TPH2: variants seen among roughly 807,000 people sequenced by gnomAD.
TPH2 encodes tryptophan hydroxylase 2, also known as tryptophan 5-hydroxylase 2.
In TPH2, 27 loss-of-function variants were observed where a neutral mutation model predicts 59.1. The ratio of observed to expected loss-of-function variants is 0.46; its 90% CI spans 0.34 to 0.63. TPH2 has a LOEUF of 0.63. Ranked by LOEUF, TPH2 falls within the 30% of genes least tolerant of loss-of-function variation. TPH2 has a pLI of 0.01. For missense variants in TPH2, 523 were observed against 588.3 expected (o/e 0.89, Z 1.15); for synonymous variants, 220 against 210.5 (o/e 1.05, Z -0.39).
rs921561736 is a variant in TPH2 at position 72,031,866 on chromosome 12, G to A, written c.*171G>A. Reference sequence around the variant, plus strand: ...TGTGTTAGTATATAAAGCACCATAAGAAATCCAATGGCAGATAACCACTCA... The same window carrying A: ...TGTGTTAGTATATAAAGCACCATAAAAAATCCAATGGCAGATAACCACTCA... On this transcript the variant is annotated 3_prime_UTR_variant, in exon 11 of 11. Coordinates refer to ENST00000333850, the MANE Select transcript of TPH2 (RefSeq NM_173353.4). The A allele has an allele frequency of 6.9e-6, 5 of 725,660 alleles. No homozygotes were observed. The highest frequency in any genetic ancestry group is 1.8e-5 in the African/African-American group (1 of 56,730). 45.0% of individuals were successfully genotyped at this position (725,660 alleles called of 1,614,324 possible).
chr12:71,949,744 C>CT, intron 5 of TPH2, 89 bp downstream of exon 5: 1 of 1,180,176 alleles, frequency 8.5e-7, no homozygotes, highest in Non-Finnish European at 1.3e-6. Flanking sequence ...TTCACTTTAA[C>CT]TTTTGCAGAA....
Position 71,992,495 on chromosome 12 carries a change from T to G in TPH2, c.942-1944T>G, listed in dbSNP as rs113775140. Among the ~76,000 whole-genome samples the G allele has an allele frequency of 4.4e-3, 637 of 146,376 alleles. 6 individuals carry two copies. The highest frequency in any genetic ancestry group is 0.015 in the African/African-American group (607 of 39,848). Reference sequence around the variant, plus strand: ...GGCATGCGCCTGTAGTCCCAACTACTTGAGGGGCTGAGGTGGGAGGATCGC... The same window carrying G: ...GGCATGCGCCTGTAGTCCCAACTACGTGAGGGGCTGAGGTGGGAGGATCGC... On this transcript the variant is annotated intron_variant, in intron 7 of 10. Coordinates refer to ENST00000333850, the MANE Select transcript of TPH2 (RefSeq NM_173353.4).
intron 8 of TPH2, among the ~76,000 whole-genome samples, chr12:72,021,549 T>G (rs1008108000): frequency 6.6e-6 from 1 of 152,158 alleles, no homozygotes; most frequent in African/African-American, 2.4e-5. Context: ...CACTTTATTA[T>G]GAAATAGGCT....
intron 8 of TPH2, among the ~76,000 whole-genome samples, chr12:72,002,321 G>A (rs1484802747): frequency 6.6e-6 from 1 of 152,158 alleles, no homozygotes; most frequent in Non-Finnish European, 1.5e-5. Flanking sequence ...ACTGGATGAG[G>A]GAGGGGGAGA....
At chr12:71,961,650 C>T (rs772710574) in intron 5 of TPH2, 1 of 1,352,050 alleles carries the variant, frequency 7.4e-7, no homozygotes, top group South Asian at 1.1e-5. Flanking sequence ...GTTGAGCGTG[C>T]ACATATTGAT....
At chr12:71,987,756 G>A (rs1310743061) in intron 7 of TPH2, among the ~76,000 whole-genome samples, 2 of 152,174 alleles carry the variant, frequency 1.3e-5, no homozygotes, top group Non-Finnish European at 2.9e-5. Flanking sequence ...GCGGGCTGAG[G>A]CAGGAGAATC....
Position 71,972,689 on chromosome 12 carries a change from T to C in TPH2, c.779T>C (p.Leu260Pro). The C allele has an allele frequency of 1.2e-6, 2 of 1,614,132 alleles. No homozygotes were observed. The highest frequency in any genetic ancestry group is 1.7e-6 in the Non-Finnish European group (2 of 1,180,038). ...CGYREDNVPQLEDVSMFLKER... is the reference protein window; with the variant it reads ...CGYREDNVPQPEDVSMFLKER... The stretch of plus-strand genomic sequence containing the variant: ...TACAGAGAGGACAATGTGCCTCAAC[T>C]CGAAGATGTCTCCATGTTTCTGAAA... The change falls in exon 6 of 11, where the codon CTC becomes CCC. Residue 260 changes from leucine to proline, a missense_variant. Leu to Pro is a moderately conservative substitution (Grantham distance 98, BLOSUM62 -3). Coordinates refer to ENST00000333850, the MANE Select transcript of TPH2 (RefSeq NM_173353.4).
intron 7 of TPH2, among the ~76,000 whole-genome samples, chr12:71,990,768 A>G (rs931186541): frequency 6.6e-6 from 1 of 152,256 alleles, no homozygotes; most frequent in Non-Finnish European, 1.5e-5. Flanking sequence ...TGCTATGTCC[A>G]CACTTTGTTC....
chr12:72,021,948 A>G (rs1873430968), intron 8 of TPH2, among the ~76,000 whole-genome samples: 3 of 152,222 alleles, frequency 2.0e-5, no homozygotes, highest in Admixed American at 2.0e-4. Context: ...TATTTGTTGA[A>G]TAAATAAACA....
At chr12:72,026,391 G>T (rs369249213) in intron 9 of TPH2, among the ~76,000 whole-genome samples, 1 of 152,124 alleles carries the variant, frequency 6.6e-6, no homozygotes, top group Non-Finnish European at 1.5e-5. Context: ...CTATTATCAA[G>T]CTTGAATGGC....
chr12:71,998,821 G>A (rs928127842), intron 8 of TPH2, among the ~76,000 whole-genome samples: 1 of 152,152 alleles, frequency 6.6e-6, no homozygotes. Flanking sequence ...CACCAAAGGA[G>A]AAAAATCTAT....
intron 7 of TPH2, among the ~76,000 whole-genome samples, chr12:71,993,286 A>T (rs1225620674): frequency 2.6e-5 from 4 of 152,234 alleles, no homozygotes; most frequent in Non-Finnish European, 5.9e-5. Flanking sequence ...TAATGGTAGC[A>T]CCTGGTATTT....
chr12:71,953,898 T>TG (rs1871422280), intron 5 of TPH2, among the ~76,000 whole-genome samples: 1 of 152,162 alleles, frequency 6.6e-6, no homozygotes, highest in Non-Finnish European at 1.5e-5. Flanking sequence ...ATGGATATTT[T>TG]GGGGTTGTAA....
intron 9 of TPH2, among the ~76,000 whole-genome samples, chr12:72,027,380 C>A (rs964264327): frequency 1.3e-5 from 2 of 152,204 alleles, no homozygotes; most frequent in Admixed American, 1.3e-4. Flanking sequence ...ATACTGAGCA[C>A]TTCCCATGCC....
rs530368234 is a variant in TPH2, at chr12:72,001,521, G to C, written c.1068+6956G>C. 1.6e-4 allele frequency among the ~76,000 whole-genome samples: 25 copies of C among 151,950 alleles called. 1 individual carries two copies. The South Asian group carries it at 4.8e-3, about 29-fold the overall frequency. The stretch of plus-strand genomic sequence containing the variant: ...GCTCACTGTAACCTCCGCCTCCCAG[G>C]TTCAGGTGATTCTCCTGCCTCAGCC... On this transcript the variant is annotated intron_variant, in intron 8 of 10. Coordinates refer to ENST00000333850, the MANE Select transcript of TPH2 (RefSeq NM_173353.4).
intron 5 of TPH2, among the ~76,000 whole-genome samples, chr12:71,966,672 A>G (rs1325663046): frequency 6.6e-6 from 1 of 152,190 alleles, no homozygotes; most frequent in Non-Finnish European, 1.5e-5. Flanking sequence ...ATTCTCTGTT[A>G]TCTTCTGCTC....
chr12:72,020,574 C>T (rs973580187), intron 8 of TPH2, among the ~76,000 whole-genome samples: 5 of 152,034 alleles, frequency 3.3e-5, no homozygotes, highest in Admixed American at 1.3e-4. Flanking sequence ...CTGCAACTTC[C>T]GTCTCCTGGG....
At chr12:71,957,433 C>T (rs1871541953) in intron 5 of TPH2, among the ~76,000 whole-genome samples, 2 of 148,554 alleles carry the variant, frequency 1.3e-5, no homozygotes, top group African/African-American at 5.0e-5. Context: ...ACCTCCCAGG[C>T]TCAAGTGATC....
chr12:71,968,719 A>G (rs1181850916), intron 5 of TPH2, among the ~76,000 whole-genome samples: 1 of 152,166 alleles, frequency 6.6e-6, no homozygotes, highest in African/African-American at 2.4e-5. Flanking sequence ...ACCTCCTCAC[A>G]ATGCTGAGCA....
Sources: gnomAD v4.1 joint callset for allele counts (sites outside exome capture counted in the v4.1 genomes callset) on GRCh38, gnomAD v4.1.1 for gene constraint, MANE v1.5 for transcripts, NCBI Gene and HGNC (gene_info 2026-07-23, HGNC 2026-07-21) for gene names.